HERC1: variants seen among roughly 807,000 people sequenced by gnomAD.
HERC1 encodes HECT and RLD domain containing E3 ubiquitin protein ligase family member 1, also known as probable E3 ubiquitin-protein ligase HERC1.
Under a neutral mutation model 554.3 loss-of-function variants are expected in HERC1, and 160 were observed. That is an observed-to-expected ratio of 0.29 (90% confidence interval 0.25 to 0.33). The LOEUF is 0.33. Among genes scored for constraint, HERC1 ranks in the 10% least tolerant of loss-of-function variants. The pLI is 1.00. For missense variants in HERC1, 4,919 were observed against 5,918.5 expected (o/e 0.83, Z 5.54); for synonymous variants, 2,175 against 2,131.7 (o/e 1.02, Z -0.56).
chr15:63,697,540 T>C (rs2072492692), intron 26 of HERC1, among the ~76,000 whole-genome samples: 1 of 150,716 alleles, frequency 6.6e-6, no homozygotes, highest in South Asian at 2.1e-4. Context: ...CTGCAACCTC[T>C]GCCTCCTGGG....
intron 32 of HERC1, among the ~76,000 whole-genome samples, chr15:63,690,054 C>T (rs1308671944): frequency 6.6e-6 from 1 of 150,870 alleles, no homozygotes; most frequent in East Asian, 2.0e-4. Flanking sequence ...GTCCCAGCTA[C>T]TTGGAGGCTA....
intron 66 of HERC1, 150 bp downstream of exon 66, chr15:63,634,583 A>C (rs1160668936): frequency 3.4e-6 from 2 of 580,636 alleles, no homozygotes; most frequent in Non-Finnish European, 5.8e-6. Flanking sequence ...TCACATTGGG[A>C]AACAGTTAAA....
chr15:63,697,478 G>A lies in HERC1; in HGVS notation c.4906-1139C>T, dbSNP rs893804156. Among the ~76,000 whole-genome samples, 3 of 139,268 alleles carry A rather than the reference G, an allele frequency of 2.2e-5. No individual in the cohort carries two copies. In the Admixed American group the frequency reaches 2.2e-4, roughly 10 times the overall value. 91.4% of individuals were successfully genotyped at this position (139,268 alleles called of 152,430 possible). ...TTTTTTTTTTTTTTTTTTTGAGATG[G>A]AGTTTCACTCTTGTTGCCCAGGCTG... On this transcript the variant is annotated intron_variant, in intron 26 of 77. Coordinates refer to ENST00000443617, the MANE Select transcript of HERC1 (RefSeq NM_003922.4).
intron 46 of HERC1, 100 bp from the exon 47 acceptor site, chr15:63,660,036 C>G (rs1369489332): frequency 1.0e-6 from 1 of 960,238 alleles, no homozygotes; most frequent in African/African-American, 1.6e-5. Context: ...TGCAGATGAG[C>G]AGCCAGATGC....
chr15:63,738,981 A>AC (rs1326980918), intron 12 of HERC1, among the ~76,000 whole-genome samples: 1 of 148,102 alleles, frequency 6.8e-6, no homozygotes, highest in East Asian at 2.0e-4. Flanking sequence ...AAGTCAGTTT[A>AC]TTTTTTTTTT....
intron 12 of HERC1, 119 bp downstream of exon 12, chr15:63,746,799 G>A (rs918374411): frequency 5.7e-6 from 5 of 875,420 alleles, no homozygotes; most frequent in African/African-American, 1.7e-5. Context: ...AAGAAAACAG[G>A]AGTAAGGGAA....
chr15:63,772,788 A>T (rs1044614920), intron 2 of HERC1, among the ~76,000 whole-genome samples: 12 of 152,154 alleles, frequency 7.9e-5, no homozygotes, highest in African/African-American at 2.9e-4. Context: ...TCCATATCCC[A>T]AACAAAGCAC....
Position 63,694,940 on chromosome 15 carries a change from ACCTGCTTGC to A in HERC1, c.5122-55_5122-47del. 6.4e-7 allele frequency: 1 copy of A among 1,552,298 alleles called. No homozygotes were observed. The highest frequency in any genetic ancestry group is 8.7e-7 in the Non-Finnish European group (1 of 1,144,108). ...TACTTTTTCTATTAGCAACAATAAT[ACCTGCTTGC>A]AAAAAGAAGTAATAACATTTTATTT... On this transcript the variant is annotated intron_variant, in intron 27 of 77. Coordinates refer to ENST00000443617, the MANE Select transcript of HERC1 (RefSeq NM_003922.4). The surrounding 1 kb of genome is among the most constrained non-coding windows in gnomAD (Gnocchi z 4.3).
At position 63,819,948 on chromosome 15, in the gene HERC1, G is replaced by A. The variant is rs139743206; in HGVS notation, c.-27+13879C>T. Among the ~76,000 whole-genome samples, 573 of 152,154 alleles carry A rather than the reference G, an allele frequency of 3.8e-3. 2 individuals are homozygous for A. Among genetic ancestry groups the A allele is most frequent in the Non-Finnish European group, 6.8e-3 (463 of 68,012 alleles). On this transcript the variant is annotated intron_variant, in intron 1 of 77. Coordinates refer to ENST00000443617, the MANE Select transcript of HERC1 (RefSeq NM_003922.4). ...TTTTACCCCATAAGTTTAAACGTGC[G>A]TTAAATAATACATGGAAAAACGCTA...
intron 2 of HERC1, among the ~76,000 whole-genome samples, chr15:63,766,912 A>G (rs1000817495): frequency 6.6e-6 from 1 of 152,092 alleles, no homozygotes; most frequent in Non-Finnish European, 1.5e-5. Context: ...TCCCAACCCC[A>G]GGTGATCTGC....
At chr15:63,813,020 AAC>A (rs1010234347) in intron 1 of HERC1, among the ~76,000 whole-genome samples, 2 of 152,196 alleles carry the variant, frequency 1.3e-5, no homozygotes, top group Non-Finnish European at 2.9e-5. Flanking sequence ...AATAGCTAAA[AAC>A]ACACACCTTA....
chr15:63,638,633 C>G (rs551024672), intron 62 of HERC1, 78 bp downstream of exon 62: 32 of 1,582,450 alleles, frequency 2.0e-5, no homozygotes, highest in Non-Finnish European at 2.7e-5. Context: ...TGGGAGACAC[C>G]AGGGCACAAA....
chr15:63,658,693 G>A lies in HERC1; in HGVS notation c.9450C>T (p.Ser3150=). The part of the protein sequence containing the change: ...QIGCHGSVEK[S]SSGRITLGEQ... Reference sequence around the variant, plus strand: ...CTCCTAACGTTATTCTCCCAGAGGAGCTCTTTTCTACGGAGCCATGGCAAC... The same window carrying A: ...CTCCTAACGTTATTCTCCCAGAGGAACTCTTTTCTACGGAGCCATGGCAAC... Residue 3150 remains serine (S), a synonymous_variant, in exon 48 of 78, where the codon AGC becomes AGT. Coordinates refer to ENST00000443617, the MANE Select transcript of HERC1 (RefSeq NM_003922.4). The A allele has an allele frequency of 6.2e-7, 1 of 1,612,804 alleles. No homozygotes were observed. The highest frequency in any genetic ancestry group is 8.5e-7 in the Non-Finnish European group (1 of 1,179,098).
In HERC1 at chr15:63,694,156, T is replaced by C; in HGVS notation, c.5482A>G (p.Thr1828Ala). ...TTGGGACTCAGTTTATCAGCATAGG[T>C]CCTATGTGAAATAAAAGAAAAAAAT... ...LLQILAITTGTYADKLSPKVV... is the reference protein window; with the variant it reads ...LLQILAITTGAYADKLSPKVV... The change falls in exon 30 of 78, where the codon ACC (threonine) becomes GCC (alanine). Residue 1828 changes from threonine to alanine, a missense_variant and splice_region_variant. This residue lies in a region of HERC1 where 1,121 missense variants were observed against 1,244.0 expected (regional missense o/e 0.90). Transcript: ENST00000443617. This position sits in a 1 kb window ranked among gnomAD's most constrained non-coding sequence, Gnocchi z 4.3. 19 of 1,594,842 alleles carry C rather than the reference T, an allele frequency of 1.2e-5. No homozygotes were observed. Among genetic ancestry groups the C allele is most frequent in the Non-Finnish European group, 1.6e-5 (19 of 1,171,506 alleles).
intron 75 of HERC1, 118 bp downstream of exon 75, chr15:63,616,312 T>C (rs781706611): frequency 3.3e-5 from 35 of 1,075,018 alleles, no homozygotes; most frequent in Middle Eastern, 2.6e-4. Flanking sequence ...GGCATAGATA[T>C]GGCATTGTTC....
At chr15:63,811,392 T>C (rs1235870391) in intron 1 of HERC1, among the ~76,000 whole-genome samples, 7 of 152,156 alleles carry the variant, frequency 4.6e-5, no homozygotes. Flanking sequence ...TGTTGCAATT[T>C]GTGAATCTAG....
At position 63,724,060 on chromosome 15, in the gene HERC1, C is replaced by T. The variant is rs138244233; in HGVS notation, c.3569-705G>A. Among the ~76,000 whole-genome samples the T allele has an allele frequency of 7.1e-3, 1,079 of 152,004 alleles. 14 individuals are homozygous for T. The highest frequency in any genetic ancestry group is 0.025 in the African/African-American group (1,038 of 41,458). Reference sequence around the variant, plus strand: ...GGCTAATACCTTTTTCTAATACATACAAGTAAACAAAATAAAATTTTAATA... The same window carrying T: ...GGCTAATACCTTTTTCTAATACATATAAGTAAACAAAATAAAATTTTAATA... On this transcript the variant is annotated intron_variant, in intron 18 of 77. Transcript: ENST00000443617.
Position 63,723,244 on chromosome 15 carries a change from C to G in HERC1, c.3680G>C (p.Gly1227Ala). The change falls in exon 19 of 78, where the codon GGT becomes GCT. Residue 1227 changes from glycine (G) to alanine (A), a missense_variant. Physicochemically the swap from Gly to Ala is moderately conservative, Grantham distance 60. Transcript: ENST00000443617. Reference sequence around the variant, plus strand: ...GCTTCGGGCAGGCTCTTTAGAACAACCCAATGCCAAGTCTACATAGACAGC... The same window carrying G: ...GCTTCGGGCAGGCTCTTTAGAACAAGCCAATGCCAAGTCTACATAGACAGC... Reference protein sequence around the residue: ...EIAVYVDLALGCSKEPARSLW... With the variant: ...EIAVYVDLALACSKEPARSLW... The G allele has an allele frequency of 6.2e-7, 1 of 1,600,228 alleles. No homozygotes were observed. Among genetic ancestry groups the G allele is most frequent in the Non-Finnish European group, 8.5e-7 (1 of 1,172,502 alleles).
intron 19 of HERC1, among the ~76,000 whole-genome samples, chr15:63,720,153 G>C (rs2073756279): frequency 1.8e-5 from 2 of 112,226 alleles, no homozygotes; most frequent in Admixed American, 1.1e-4. Context: ...GTCCAGGCTG[G>C]AGTGCAGTGG....
Sources: gnomAD v4.1 joint callset for allele counts (sites outside exome capture counted in the v4.1 genomes callset) on GRCh38, gnomAD v4.1.1 for gene constraint, gnomAD v4.1.1 regional missense constraint, Gnocchi (gnomAD v3.1) non-coding constraint, MANE v1.5 for transcripts, NCBI Gene and HGNC (gene_info 2026-07-23, HGNC 2026-07-21) for gene names.